The following ARHGEF11 variants were observed in gnomAD, a reference collection of about 807,000 sequenced individuals.
ARHGEF11 encodes the protein Rho guanine exchange factor (GEF) 11.
In ARHGEF11, 55 loss-of-function variants were observed where a neutral mutation model predicts 193.7. The observed-to-expected ratio is 0.28, with a 90% CI of 0.23 to 0.36. The LOEUF (loss-of-function observed/expected upper bound fraction) is 0.36, where lower values mean the gene tolerates loss of function less well. Ranked by LOEUF, ARHGEF11 falls within the 10% of genes least tolerant of loss-of-function variation. The pLI, the probability that ARHGEF11 is intolerant of heterozygous loss-of-function variation, is 1.00. For synonymous variants in ARHGEF11, 693 were observed against 768.0 expected, an observed-to-expected ratio of 0.90 and a Z score of 1.62; for missense variants, 1,723 against 2,005.6, an observed-to-expected ratio of 0.86 and a Z score of 2.69.
At chr1:156,969,923 C>T in intron 9 of ARHGEF11, 75 bp downstream of exon 9, 1 of 1,460,596 alleles carries the variant, frequency 6.8e-7, no homozygotes, top group Non-Finnish European at 9.6e-7. Context: ...GGAATCTGCC[C>T]CATGGGGAGG....
At position 156,940,200 on chromosome 1, in the gene ARHGEF11, C is replaced by G. The variant is rs377321852; in HGVS notation, c.3733+7G>C. 6.4e-7 allele frequency: 1 copy of G among 1,568,650 alleles called. No individual in the cohort carries two copies. The highest frequency in any genetic ancestry group is 1.4e-5 in the African/African-American group (1 of 74,044). On this transcript the variant is annotated splice_region_variant and intron_variant, in intron 36 of 40. Coordinates refer to ENST00000368194, the MANE Select transcript of ARHGEF11 (RefSeq NM_198236.3). ...AGGGGCTGACGGCAGGGCCTTGAAG[C>G]ACTCACCATCTTCCAGAGCGGAGTC...
At chr1:156,939,403 G>C (rs749804505) in intron 37 of ARHGEF11, 145 bp downstream of exon 37, 1 of 1,116,382 alleles carries the variant, frequency 9.0e-7, no homozygotes, top group Admixed American at 2.3e-5. Context: ...TGATATCGGC[G>C]TTGTCTCCTT....
chr1:156,979,183 G>A (rs780413109), intron 5 of ARHGEF11, 46 bp downstream of exon 5: 12 of 1,585,020 alleles, frequency 7.6e-6, no homozygotes, highest in Admixed American at 3.3e-5. Flanking sequence ...CCTCCCTCTC[G>A]GATCATCTGC....
Position 157,039,384 on chromosome 1 carries a change from C to T in ARHGEF11, c.32+4915G>A, listed in dbSNP as rs151171289. Reference sequence around the variant, plus strand: ...AGGTAAGCACCTTTGCAAGGTCATTCACCCAGCTGCTAACAAAGCTGGCTC... The same window carrying T: ...AGGTAAGCACCTTTGCAAGGTCATTTACCCAGCTGCTAACAAAGCTGGCTC... On this transcript the variant is annotated intron_variant, in intron 1 of 40. Transcript: ENST00000368194. 8.7e-4 allele frequency among the ~76,000 whole-genome samples: 132 copies of T among 152,370 alleles called. No homozygotes were observed. The East Asian group carries it at 0.023, about 27-fold the overall frequency.
intron 1 of ARHGEF11, among the ~76,000 whole-genome samples, chr1:157,007,486 G>T (rs1667968537): frequency 6.6e-6 from 1 of 152,128 alleles, no homozygotes; most frequent in Non-Finnish European, 1.5e-5. Context: ...CAGTCCTTAG[G>T]CTGAGATTTA....
intron 3 of ARHGEF11, among the ~76,000 whole-genome samples, chr1:156,983,827 A>G (rs1421044734): frequency 6.6e-6 from 1 of 152,116 alleles, no homozygotes; most frequent in Non-Finnish European, 1.5e-5. Context: ...TCCAAACACC[A>G]TTTCCCCTGA....
chr1:157,001,817 G>GTGT (rs1667235722), intron 1 of ARHGEF11, among the ~76,000 whole-genome samples: 1 of 152,330 alleles, frequency 6.6e-6, no homozygotes, highest in Admixed American at 6.5e-5. Context: ...AGTGAAACGG[G>GTGT]TGTTAGGAAG....
chr1:157,034,040 C>T (rs1165509219), intron 1 of ARHGEF11, among the ~76,000 whole-genome samples: 1 of 152,182 alleles, frequency 6.6e-6, no homozygotes, highest in Non-Finnish European at 1.5e-5. Context: ...GTTAAACAGA[C>T]CAAGCTTCTT....
chr1:156,980,709 T>C (rs2102416207), intron 3 of ARHGEF11, among the ~76,000 whole-genome samples: 1 of 151,832 alleles, frequency 6.6e-6, no homozygotes, highest in South Asian at 2.1e-4. Context: ...TTCACCTAAA[T>C]AAGATGCCAG....
At chr1:156,942,814 C>T in intron 32 of ARHGEF11, 34 bp from the exon 33 acceptor site, 5 of 1,584,314 alleles carry the variant, frequency 3.2e-6, no homozygotes, top group Non-Finnish European at 4.3e-6. Flanking sequence ...AGGGTCTGTA[C>T]TAGGGATGGC....
rs1660890964 is a variant in ARHGEF11 at position 156,961,764 on chromosome 1, C to T, written c.1152G>A (p.Leu384=). 6.2e-7 allele frequency: 1 copy of T among 1,614,136 alleles called. No homozygotes were observed. The highest frequency in any genetic ancestry group is 8.5e-7 in the Non-Finnish European group (1 of 1,179,990). Residue 384 remains leucine (L), a synonymous_variant, in exon 14 of 41, where the codon CTG becomes CTA. Transcript: ENST00000368194. ...QADPSPLLFY[L]CAEVYQQASP... is the part of the protein sequence containing the mutation. ...TTGCCTGCTGATAAACTTCTGCACA[C>T]AGGTAAAAAAGCTAGGAGGAGAGAG...
chr1:157,001,257 A>G (rs1667174258), intron 1 of ARHGEF11, among the ~76,000 whole-genome samples: 1 of 152,164 alleles, frequency 6.6e-6, no homozygotes, highest in South Asian at 2.1e-4. Flanking sequence ...CTTTAGCACC[A>G]AGTCTCCAAC....
At chr1:157,036,118 TA>T (rs1367901176) in intron 1 of ARHGEF11, among the ~76,000 whole-genome samples, 1 of 142,890 alleles carries the variant, frequency 7.0e-6, no homozygotes, top group Admixed American at 7.1e-5. Context: ...TATATGAATA[TA>T]TATATGAAAA....
chr1:157,014,798 C>T (rs1669000917), intron 1 of ARHGEF11, among the ~76,000 whole-genome samples: 1 of 152,232 alleles, frequency 6.6e-6, no homozygotes. Flanking sequence ...CTGGACCTCT[C>T]TCTGCATGCA....
At chr1:157,011,303 C>A (rs1347737360) in intron 1 of ARHGEF11, among the ~76,000 whole-genome samples, 1 of 152,102 alleles carries the variant, frequency 6.6e-6, no homozygotes, top group Non-Finnish European at 1.5e-5. Context: ...TGAAGCTAGA[C>A]CCCTGCCTCA....
At chr1:156,963,180 C>T in intron 13 of ARHGEF11, 23 bp downstream of exon 13, 2 of 1,579,940 alleles carry the variant, frequency 1.3e-6, no homozygotes, top group Non-Finnish European at 1.7e-6. Context: ...GGCACTCAAT[C>T]AAGACAGATG....
chr1:156,988,023 G>A (rs1410028736), intron 1 of ARHGEF11, among the ~76,000 whole-genome samples: 7 of 152,128 alleles, frequency 4.6e-5, no homozygotes, highest in Admixed American at 3.9e-4. Flanking sequence ...CCTCCCCACT[G>A]TACTTGGGAG....
At chr1:156,956,264 G>A (rs1374370290) in intron 19 of ARHGEF11, among the ~76,000 whole-genome samples, 156 bp downstream of exon 19, 1 of 152,098 alleles carries the variant, frequency 6.6e-6, no homozygotes, top group Non-Finnish European at 1.5e-5. Context: ...TTATAGGCAT[G>A]CACCACTATG....
chr1:156,969,196 G>C (rs1662167732), intron 10 of ARHGEF11, 86 bp downstream of exon 10: 1 of 1,105,434 alleles, frequency 9.0e-7, no homozygotes, highest in South Asian at 1.3e-5. Context: ...AGAGGCCTCA[G>C]TGCAGCTGGT....
Sources: allele counts gnomAD v4.1 joint callset (sites outside exome capture counted in the v4.1 genomes callset), GRCh38; gene constraint gnomAD v4.1.1; transcripts MANE v1.5; gene names NCBI Gene and HGNC (gene_info 2026-07-23, HGNC 2026-07-21).